The following PLD5 variants were observed in gnomAD, a reference collection of about 807,000 sequenced individuals.
The protein encoded by PLD5 is inactive phospholipase D5.
A neutral mutation model predicts 61.1 loss-of-function variants in PLD5; 36 were observed. The ratio of observed to expected loss-of-function variants is 0.59; its 90% CI spans 0.45 to 0.78. PLD5 has a LOEUF of 0.78. Among genes scored for constraint, PLD5 ranks in the 30% least tolerant of loss-of-function variants. The pLI, the probability that PLD5 is intolerant of heterozygous loss-of-function variation, is 0.00. For missense variants in PLD5, 515 were observed against 644.4 expected (o/e 0.80, Z 2.17); for synonymous variants, 243 against 242.8 (o/e 1.00, Z -0.01).
chr1:242,170,245 C>A (rs1186234930), intron 5 of PLD5, among the ~76,000 whole-genome samples: 1 of 152,220 alleles, frequency 6.6e-6, no homozygotes, highest in Non-Finnish European at 1.5e-5. Flanking sequence ...GAACAGGCAG[C>A]AATCTTTGCT....
intron 1 of PLD5, among the ~76,000 whole-genome samples, chr1:242,367,488 A>T (rs1661408194): frequency 6.6e-6 from 1 of 152,148 alleles, no homozygotes; most frequent in South Asian, 2.1e-4. Context: ...TTTAACTCAC[A>T]AATACAAATG....
chr1:242,261,473 A>G (rs1673366687), intron 4 of PLD5, among the ~76,000 whole-genome samples: 1 of 152,210 alleles, frequency 6.6e-6, no homozygotes, highest in Admixed American at 6.5e-5. Flanking sequence ...TGCAGTAAGC[A>G]TCAACAATAA....
At chr1:242,361,116 A>G (rs1188465975) in intron 1 of PLD5, among the ~76,000 whole-genome samples, 1 of 152,158 alleles carries the variant, frequency 6.6e-6, no homozygotes, top group Non-Finnish European at 1.5e-5. Flanking sequence ...GCTATTTTGT[A>G]TGCTCTTGGA....
At chr1:242,433,781 G>A (rs1665849005) in intron 1 of PLD5, among the ~76,000 whole-genome samples, 1 of 152,118 alleles carries the variant, frequency 6.6e-6, no homozygotes, top group Non-Finnish European at 1.5e-5. Context: ...CGTTTCAGTA[G>A]TGGCCTCAAG....
chr1:242,483,019 G>A (rs1191379366), intron 1 of PLD5, among the ~76,000 whole-genome samples: 1 of 152,154 alleles, frequency 6.6e-6, no homozygotes, highest in South Asian at 2.1e-4. Context: ...GAGAAATTTT[G>A]TCACCACCAG....
chr1:242,372,463 A>G (rs1661690793), intron 1 of PLD5, among the ~76,000 whole-genome samples: 1 of 152,214 alleles, frequency 6.6e-6, no homozygotes, highest in Non-Finnish European at 1.5e-5. Context: ...ATATGGAACC[A>G]AAAAAGAGCC....
intron 1 of PLD5, among the ~76,000 whole-genome samples, chr1:242,502,158 T>A (rs1252842610): frequency 6.6e-6 from 1 of 152,262 alleles, no homozygotes; most frequent in East Asian, 1.9e-4. Flanking sequence ...ATCTAACTCT[T>A]GTTAGACCTC....
upstream of PLD5, among the ~76,000 whole-genome samples, chr1:242,525,654 G>A (rs1249530766): frequency 6.6e-6 from 1 of 152,204 alleles, no homozygotes; most frequent in Non-Finnish European, 1.5e-5. Context: ...GGAAGTGTAT[G>A]GAAGCTGGAG....
intron 9 of PLD5, 63 bp from the exon 10 acceptor site, chr1:242,090,173 A>C (rs1558207279): frequency 1.4e-5 from 22 of 1,572,882 alleles, no homozygotes; most frequent in Non-Finnish European, 1.9e-5. Flanking sequence ...ACCCAATATA[A>C]TGAAATTCAG....
At chr1:242,491,363 A>G (rs1668144906) in intron 1 of PLD5, among the ~76,000 whole-genome samples, 1 of 152,204 alleles carries the variant, frequency 6.6e-6, no homozygotes, top group Non-Finnish European at 1.5e-5. Flanking sequence ...GATATGTATA[A>G]TAGATACATG....
chr1:242,107,844 A>G lies in PLD5; in HGVS notation c.1071-5T>C, dbSNP rs531736239. 1.9e-6 allele frequency: 3 copies of G among 1,580,136 alleles called. No individual in the cohort carries two copies. Among genetic ancestry groups the G allele is most frequent in the East Asian group, 4.5e-5 (2 of 44,630 alleles). Reference sequence around the variant, plus strand: ...TCCAAGTCTGGCCAGTAAGTCCTGCAGAAATCATATCCAAATAGAAAAAAT... The same window carrying G: ...TCCAAGTCTGGCCAGTAAGTCCTGCGGAAATCATATCCAAATAGAAAAAAT... On this transcript the variant is annotated splice_polypyrimidine_tract_variant and splice_region_variant and intron_variant, in intron 7 of 9. Coordinates refer to ENST00000536534, the MANE Select transcript of PLD5 (RefSeq NM_001372062.1).
chr1:242,210,061 C>T (rs1669702442), intron 5 of PLD5, among the ~76,000 whole-genome samples: 1 of 152,196 alleles, frequency 6.6e-6, no homozygotes, highest in Non-Finnish European at 1.5e-5. Flanking sequence ...TCCCAAAGTC[C>T]TGGGATTACT....
intron 1 of PLD5, chr1:242,377,373 A>G (rs1374627869): frequency 6.3e-5 from 95 of 1,519,282 alleles, no homozygotes; most frequent in Non-Finnish European, 8.6e-5. Context: ...GGGAGACCTG[A>G]ACTCCAAAAC....
intron 5 of PLD5, among the ~76,000 whole-genome samples, chr1:242,188,173 A>G (rs879541284): frequency 4.6e-5 from 7 of 152,220 alleles, no homozygotes; most frequent in African/African-American, 1.4e-4. Flanking sequence ...TTCATCAGTT[A>G]GAAATCAACT....
intron 6 of PLD5, among the ~76,000 whole-genome samples, chr1:242,120,996 A>G (rs1411396681): frequency 2.0e-5 from 3 of 152,210 alleles, no homozygotes; most frequent in African/African-American, 4.8e-5. Flanking sequence ...AACTTTGAGA[A>G]TGGTTATTAA....
intron 1 of PLD5, among the ~76,000 whole-genome samples, chr1:242,378,457 G>A (rs911087619): frequency 5.3e-5 from 8 of 152,142 alleles, no homozygotes; most frequent in Admixed American, 2.0e-4. Context: ...GCACAACAAC[G>A]TGAATGTACT....
chr1:242,204,577 T>TAAAC (rs2148964116), intron 5 of PLD5, among the ~76,000 whole-genome samples: 1 of 152,246 alleles, frequency 6.6e-6, no homozygotes, highest in African/African-American at 2.4e-5. Flanking sequence ...TCTAGTGACC[T>TAAAC]AAACAACTCA....
intron 4 of PLD5, among the ~76,000 whole-genome samples, chr1:242,224,108 T>C (rs940850762): frequency 1.3e-5 from 2 of 152,226 alleles, no homozygotes; most frequent in Non-Finnish European, 2.9e-5. Context: ...ACTGCATTTA[T>C]GTGCATAACC....
chr1:242,108,862 T>C (rs1031721743), intron 7 of PLD5, among the ~76,000 whole-genome samples: 1 of 152,208 alleles, frequency 6.6e-6, no homozygotes, highest in African/African-American at 2.4e-5. Context: ...TTTCATCACA[T>C]GCAGGCTGCA....
Sources: allele counts gnomAD v4.1 joint callset (sites outside exome capture counted in the v4.1 genomes callset), GRCh38; gene constraint gnomAD v4.1.1; transcripts MANE v1.5; gene names NCBI Gene and HGNC (gene_info 2026-07-23, HGNC 2026-07-21).